The following KLHL29 variants were observed in gnomAD, a reference collection of about 807,000 sequenced individuals.
KLHL29 encodes the protein kelch like family member 29.
KLHL29 carries 21 observed loss-of-function variants against 80.4 expected under a neutral mutation model. The ratio of observed to expected loss-of-function variants is 0.26; its 90% CI spans 0.19 to 0.38. KLHL29 has a LOEUF of 0.38. Among genes scored for constraint, KLHL29 ranks in the 10% least tolerant of loss-of-function variants. KLHL29 has a pLI of 1.00. For synonymous variants in KLHL29, 511 were observed against 526.8 expected (o/e 0.97, Z 0.41); for missense variants, 867 against 1,223.9 (o/e 0.71, Z 4.35).
chr2:23,705,630 G>A (rs1672670562), intron 13 of KLHL29, among the ~76,000 whole-genome samples: 1 of 152,212 alleles, frequency 6.6e-6, no homozygotes, highest in East Asian at 1.9e-4. Context: ...AGAGAAGACT[G>A]GAAGCTTCAG....
At chr2:23,593,037 T>G (rs576325329) in intron 3 of KLHL29, among the ~76,000 whole-genome samples, 37 of 152,218 alleles carry the variant, frequency 2.4e-4, no homozygotes, top group African/African-American at 8.2e-4. Context: ...CATGCAGAAA[T>G]TAGCAAGCAG....
chr2:23,530,719 A>G (rs1225135262), intron 2 of KLHL29, among the ~76,000 whole-genome samples: 1 of 152,050 alleles, frequency 6.6e-6, no homozygotes, highest in Non-Finnish European at 1.5e-5. Context: ...TCTTCCCTCC[A>G]TCCCAGCCCA....
chr2:23,538,964 A>G (rs1342313051), intron 2 of KLHL29, among the ~76,000 whole-genome samples: 1 of 152,248 alleles, frequency 6.6e-6, no homozygotes, highest in Non-Finnish European at 1.5e-5. Flanking sequence ...TGACTATAAG[A>G]TTGATTAGAT....
At chr2:23,678,482 C>T (rs995480654) in intron 5 of KLHL29, among the ~76,000 whole-genome samples, 2 of 152,136 alleles carry the variant, frequency 1.3e-5, no homozygotes, top group East Asian at 1.9e-4. Context: ...CATGAGAGAC[C>T]ACGTGGAGCA....
chr2:23,461,812 A>G (rs2103428655), intron 1 of KLHL29, among the ~76,000 whole-genome samples: 1 of 152,046 alleles, frequency 6.6e-6, no homozygotes, highest in South Asian at 2.1e-4. Flanking sequence ...GCCAGCGATG[A>G]TCCTGCTTTT....
intron 3 of KLHL29, among the ~76,000 whole-genome samples, chr2:23,598,728 G>A (rs1015494823): frequency 6.6e-6 from 1 of 152,244 alleles, no homozygotes; most frequent in Non-Finnish European, 1.5e-5. Context: ...GGCTCCCTGT[G>A]TTTTGCTTAT....
chr2:23,562,455 A>C lies in KLHL29; in HGVS notation c.259A>C (p.Ser87Arg). ...SSEAITSLVASSASAVTTKAP... is the reference protein window; with the variant it reads ...SSEAITSLVARSASAVTTKAP... Reference sequence around the variant, plus strand: ...CGAGGCCATCACCAGCCTCGTGGCCAGCTCTGCGTCTGCGGTCACCACCAA... The same window carrying C: ...CGAGGCCATCACCAGCCTCGTGGCCCGCTCTGCGTCTGCGGTCACCACCAA... The change falls in exon 3 of 14, where the codon AGC (serine) becomes CGC (arginine). Residue 87 changes from serine to arginine, a missense_variant. Physicochemically the swap from Ser to Arg is moderately radical, Grantham distance 110. Transcript: ENST00000486442. The surrounding 1 kb of genome is among the most constrained non-coding windows in gnomAD (Gnocchi z 4.5). 2 of 1,536,466 alleles carry C rather than the reference A, an allele frequency of 1.3e-6. No homozygotes were observed. The highest frequency in any genetic ancestry group is 1.7e-6 in the Non-Finnish European group (2 of 1,146,750).
intron 3 of KLHL29, among the ~76,000 whole-genome samples, chr2:23,564,546 G>C (rs1165916801): frequency 6.6e-6 from 1 of 152,198 alleles, no homozygotes; most frequent in Non-Finnish European, 1.5e-5. Flanking sequence ...GCACTGGGTG[G>C]GGGGAAGGGA....
rs201593862 is a variant in KLHL29, at chr2:23,604,469, TG to T, written c.286-34667del. 5.0e-3 allele frequency among the ~76,000 whole-genome samples: 762 copies of T among 152,288 alleles called. 8 individuals are homozygous for T. Among genetic ancestry groups the T allele is most frequent in the African/African-American group, 0.018 (744 of 41,570 alleles). On this transcript the variant is annotated intron_variant, in intron 3 of 13. Transcript: ENST00000486442. ...CGGGCTTGCTAATAAATGGCCCCAC[TG>T]GGACGCAAGTGTCACAGGGGGAGAG...
chr2:23,484,538 A>G (rs1279441324), intron 2 of KLHL29, among the ~76,000 whole-genome samples: 1 of 152,250 alleles, frequency 6.6e-6, no homozygotes, highest in Non-Finnish European at 1.5e-5. Flanking sequence ...AACGGAAGTC[A>G]GAACACAGAG....
rs547789551 is a variant in KLHL29 at position 23,517,242 on chromosome 2, C to CTT, written c.-46+41578_-46+41579dup. On this transcript the variant is annotated intron_variant, in intron 2 of 13. Transcript: ENST00000486442. ...AGGAACAGAAGCCATTTGACAGAAA[C>CTT]TTTTAAAAACAACCTAACTAGGCTG... Among the ~76,000 whole-genome samples, 4 of 152,346 alleles carry CTT rather than the reference C, an allele frequency of 2.6e-5. No homozygotes were observed. The South Asian group carries it at 8.3e-4, about 32-fold the overall frequency.
At chr2:23,549,177 CG>C (rs1459486932) in intron 2 of KLHL29, among the ~76,000 whole-genome samples, 1 of 152,210 alleles carries the variant, frequency 6.6e-6, no homozygotes, top group African/African-American at 2.4e-5. Context: ...AGGACCCCAG[CG>C]GGGTGTGGTG....
At chr2:23,573,907 G>A (rs1437339566) in intron 3 of KLHL29, among the ~76,000 whole-genome samples, 8 of 152,188 alleles carry the variant, frequency 5.3e-5, no homozygotes, top group Admixed American at 3.9e-4. Flanking sequence ...CGCTTTCAGA[G>A]GTGTTGGCCC....
intron 3 of KLHL29, among the ~76,000 whole-genome samples, chr2:23,575,745 G>A (rs1236969218): frequency 1.3e-5 from 2 of 152,186 alleles, no homozygotes; most frequent in Non-Finnish European, 1.5e-5. Flanking sequence ...GTTTGATCCT[G>A]AGAAGAAAGT....
intron 3 of KLHL29, among the ~76,000 whole-genome samples, chr2:23,565,719 G>C (rs948178505): frequency 3.3e-5 from 5 of 152,334 alleles, no homozygotes; most frequent in African/African-American, 2.4e-5. Flanking sequence ...GCAGAGCTGT[G>C]TCCGAGCTCA....
intron 3 of KLHL29, among the ~76,000 whole-genome samples, chr2:23,603,775 T>TC (rs773962749): frequency 6.6e-6 from 1 of 152,154 alleles, no homozygotes; most frequent in Non-Finnish European, 1.5e-5. Context: ...GTGGATTCCA[T>TC]CAGAGGCCCT....
intron 5 of KLHL29, among the ~76,000 whole-genome samples, chr2:23,671,443 G>T (rs570307108): frequency 6.6e-6 from 1 of 152,128 alleles, no homozygotes; most frequent in South Asian, 2.1e-4. Context: ...TCTCCAGGAA[G>T]AACACAACAA....
chr2:23,426,346 T>C (rs1028640495), intron 1 of KLHL29, among the ~76,000 whole-genome samples: 4 of 152,204 alleles, frequency 2.6e-5, no homozygotes, highest in African/African-American at 9.7e-5. Context: ...AATCATTGAC[T>C]CATGAGCTCC....
At chr2:23,475,794 C>G (rs1460911855) in intron 2 of KLHL29, 127 bp downstream of exon 2, 1 of 156,096 alleles carries the variant, frequency 6.4e-6, no homozygotes, top group Non-Finnish European at 1.5e-5. Flanking sequence ...CGCCCTCTTC[C>G]TCAGTGCGAT....
Sources: gnomAD v4.1 joint callset for allele counts (sites outside exome capture counted in the v4.1 genomes callset) on GRCh38, gnomAD v4.1.1 for gene constraint, Gnocchi (gnomAD v3.1) non-coding constraint, MANE v1.5 for transcripts, NCBI Gene and HGNC (gene_info 2026-07-23, HGNC 2026-07-21) for gene names.